TNS3: variants seen among roughly 807,000 people sequenced by gnomAD.
TNS3 encodes tensin-3.
Under a neutral mutation model 140.9 loss-of-function variants are expected in TNS3, and 45 were observed. The ratio of observed to expected loss-of-function variants is 0.32; its 90% confidence interval spans 0.25 to 0.41. TNS3 has a LOEUF of 0.41. Among genes scored for constraint, TNS3 ranks in the 10% least tolerant of loss-of-function variants. The pLI is 1.00. For synonymous variants in TNS3, 815 were observed against 788.4 expected, an observed-to-expected ratio of 1.03 and a Z score of -0.56; for missense variants, 1,716 against 1,906.7, an observed-to-expected ratio of 0.90 and a Z score of 1.86.
chr7:47,293,057 A>T, intron 25 of TNS3, 152 bp from the exon 26 acceptor site: 2 of 625,438 alleles, frequency 3.2e-6, no homozygotes, highest in South Asian at 4.2e-5. Flanking sequence ...GCTTTGTGTA[A>T]AACTTCAAAG....
intron 15 of TNS3, among the ~76,000 whole-genome samples, chr7:47,398,892 T>C (rs1161651298): frequency 1.1e-4 from 17 of 152,108 alleles, no homozygotes; most frequent in Admixed American, 1.1e-3. Context: ...CTGTTGCTAT[T>C]TGCCAATGAT....
rs1554350246 is a variant in TNS3, at chr7:47,530,838, A to ATATAT, written c.-264-1692_-264-1691insATATA. The stretch of plus-strand genomic sequence containing the variant: ...AACTCCATCTCAAAAAAAAAAAAAA[A>ATATAT]ATATATATATATATATATATTTCTA... On this transcript the variant is annotated intron_variant, in intron 1 of 30. Coordinates refer to ENST00000311160, the MANE Select transcript of TNS3 (RefSeq NM_022748.12). 2.0e-3 allele frequency among the ~76,000 whole-genome samples: 107 copies of ATATAT among 54,554 alleles called. 2 individuals carry two copies. Among genetic ancestry groups the ATATAT allele is most frequent in the African/African-American group, 7.4e-3 (94 of 12,660 alleles). 35.8% of individuals were successfully genotyped at this position (54,554 alleles called of 152,430 possible).
intron 4 of TNS3, among the ~76,000 whole-genome samples, chr7:47,452,742 G>C (rs1796072488): frequency 6.6e-6 from 1 of 152,218 alleles, no homozygotes; most frequent in Non-Finnish European, 1.5e-5. Flanking sequence ...AGATGGGGCG[G>C]ATGGTTCTTA....
At chr7:47,400,694 G>T in intron 14 of TNS3, 91 bp downstream of exon 14, 1 of 1,543,896 alleles carries the variant, frequency 6.5e-7, no homozygotes, top group South Asian at 1.2e-5. Flanking sequence ...CTGAATTTTG[G>T]AAAGAGGGTA....
intron 5 of TNS3, among the ~76,000 whole-genome samples, chr7:47,439,943 A>C (rs1795380142): frequency 6.6e-6 from 1 of 152,144 alleles, no homozygotes; most frequent in Non-Finnish European, 1.5e-5. Context: ...CAGAGCAGTG[A>C]CGCATGGGCT....
At chr7:47,449,817 G>T (rs1227154371) in intron 4 of TNS3, among the ~76,000 whole-genome samples, 4 of 152,120 alleles carry the variant, frequency 2.6e-5, no homozygotes, top group African/African-American at 9.7e-5. Context: ...TGTTGGCCAG[G>T]CTGGTCTTGA....
At chr7:47,278,244 A>T in intron 30 of TNS3, 24 bp from the exon 31 acceptor site, 1 of 1,609,250 alleles carries the variant, frequency 6.2e-7, no homozygotes, top group Non-Finnish European at 8.5e-7. Context: ...GTCCAGTCAG[A>T]GTGGTCAGTG....
chr7:47,388,729 G>A (rs1213397321), intron 16 of TNS3, among the ~76,000 whole-genome samples: 1 of 152,016 alleles, frequency 6.6e-6, no homozygotes, highest in Non-Finnish European at 1.5e-5. Context: ...AGCTGGGCAT[G>A]GTGGCAGGCA....
intron 20 of TNS3, among the ~76,000 whole-genome samples, chr7:47,330,795 G>A (rs1788291719): frequency 6.6e-6 from 1 of 152,068 alleles, no homozygotes; most frequent in Non-Finnish European, 1.5e-5. Flanking sequence ...AAGTTTAAAG[G>A]TCTCGCAGCC....
At chr7:47,404,087 A>G (rs1180834318) in intron 13 of TNS3, among the ~76,000 whole-genome samples, 3 of 152,220 alleles carry the variant, frequency 2.0e-5, no homozygotes. Context: ...GAATATCTGC[A>G]TTTAAAATAA....
At chr7:47,412,036 A>G (rs1389250078) in intron 12 of TNS3, among the ~76,000 whole-genome samples, 2 of 152,158 alleles carry the variant, frequency 1.3e-5, no homozygotes, top group Non-Finnish European at 2.9e-5. Flanking sequence ...GAAGTGACTA[A>G]GGTCCAACTC....
rs1349438698 is a variant in TNS3 at position 47,389,074 on chromosome 7, AGAAGAAGAAGAGGAAGAG to A, written c.1024+7708_1024+7725del. Among the ~76,000 whole-genome samples the A allele has an allele frequency of 9.3e-5, 6 of 64,572 alleles. No individual in the cohort carries two copies. The East Asian group carries it at 1.2e-3, about 13-fold the overall frequency. 42.4% of individuals were successfully genotyped at this position (64,572 alleles called of 152,430 possible). On this transcript the variant is annotated intron_variant, in intron 16 of 30. Coordinates refer to ENST00000311160, the MANE Select transcript of TNS3 (RefSeq NM_022748.12). ...AAGAAGAAGAAGAAGAAGAAGAAGA[AGAAGAAGAAGAGGAAGAG>A]GAAGAGGAAGCGGAAGCAGAAGAAG...
In TNS3 at chr7:47,527,073, A is replaced by G. The variant is rs564140659; in HGVS notation, c.-153+1963T>C. On this transcript the variant is annotated intron_variant, in intron 2 of 30. Transcript: ENST00000311160. ...TGGTGAAACCCCATCTCTATTAAAAATACAAAAAAAAAAATTAGCCGGGCA... is the reference window on the plus strand; with the variant it reads ...TGGTGAAACCCCATCTCTATTAAAAGTACAAAAAAAAAAATTAGCCGGGCA... 3.0e-3 allele frequency among the ~76,000 whole-genome samples: 48 copies of G among 15,948 alleles called. No individual in the cohort carries two copies. In the East Asian group the frequency reaches 0.11, roughly 37 times the overall value. 10.5% of individuals were successfully genotyped at this position (15,948 alleles called of 152,430 possible). A position where few individuals can be genotyped will look rare whatever the true frequency, so the allele number is the denominator to read the frequency against.
intron 4 of TNS3, among the ~76,000 whole-genome samples, chr7:47,443,986 A>C (rs546644221): frequency 6.6e-5 from 10 of 152,192 alleles, no homozygotes; most frequent in Non-Finnish European, 1.2e-4. Context: ...ATGCACTAAA[A>C]TGAAGTCTCC....
At chr7:47,558,215 A>G (rs1173889962) in intron 1 of TNS3, among the ~76,000 whole-genome samples, 1 of 152,186 alleles carries the variant, frequency 6.6e-6, no homozygotes, top group Non-Finnish European at 1.5e-5. Context: ...GAAACAGGGT[A>G]TTTGCCGTCC....
At chr7:47,346,432 C>T (rs1789348669) in intron 17 of TNS3, 76 bp from the exon 18 acceptor site, 21 of 1,552,864 alleles carry the variant, frequency 1.4e-5, no homozygotes, top group Non-Finnish European at 1.8e-5. Context: ...TAAATCTTGC[C>T]TGCTGCTTCT....
intron 13 of TNS3, among the ~76,000 whole-genome samples, chr7:47,401,393 C>T (rs1342915923): frequency 6.6e-6 from 1 of 152,120 alleles, no homozygotes; most frequent in African/African-American, 2.4e-5. Flanking sequence ...AAGCAGCAGC[C>T]GGTCATTACT....
Position 47,292,813 on chromosome 7 carries a change from C to T in TNS3, c.3850+15G>A. On this transcript the variant is annotated intron_variant, in intron 26 of 30. Coordinates refer to ENST00000311160, the MANE Select transcript of TNS3 (RefSeq NM_022748.12). ...CAATCTACACAGAGCCTGACTAGCACTGAGGACCCCTTACCTCTCTCTGGG... is the reference window on the plus strand; with the variant it reads ...CAATCTACACAGAGCCTGACTAGCATTGAGGACCCCTTACCTCTCTCTGGG... 1 of 1,613,368 alleles carries T rather than the reference C, an allele frequency of 6.2e-7. No homozygotes were observed. The highest frequency in any genetic ancestry group is 8.5e-7 in the Non-Finnish European group (1 of 1,179,500).
intron 15 of TNS3, among the ~76,000 whole-genome samples, chr7:47,398,163 T>C (rs763718136): frequency 1.6e-4 from 24 of 152,124 alleles, no homozygotes; most frequent in Admixed American, 4.6e-4. Context: ...AATGAATCAA[T>C]AATTTTTTTA....
Sources: allele counts gnomAD v4.1 joint callset (sites outside exome capture counted in the v4.1 genomes callset), GRCh38; gene constraint gnomAD v4.1.1; transcripts MANE v1.5; gene names NCBI Gene and HGNC (gene_info 2026-07-23, HGNC 2026-07-21).